The following FGF13 variants were observed in gnomAD, a reference collection of about 807,000 sequenced individuals.
The protein encoded by FGF13 is fibroblast growth factor 13.
A neutral mutation model predicts 19.5 loss-of-function variants in FGF13; 2 were observed. The observed-to-expected ratio is 0.10, with a 90% CI of 0.04 to 0.32. FGF13 has a LOEUF of 0.32. FGF13 is among the 10% of genes least tolerant of loss of function. The pLI is 1.00. For missense variants in FGF13, 113 were observed against 192.7 expected (o/e 0.59, Z 2.45); for synonymous variants, 72 against 76.9 (o/e 0.94, Z 0.33).
intron 1 of FGF13, among the ~76,000 whole-genome samples, chrX:138,725,918 C>T (rs993327747): frequency 9.0e-6 from 1 of 110,918 alleles, no homozygotes; most frequent in Non-Finnish European, 1.9e-5. Context: ...GAAACAGCAT[C>T]GAGTTGTATA....
At chrX:138,817,335 G>C (rs1347431455) in intron 3 of FGF13, among the ~76,000 whole-genome samples, 6 of 111,642 alleles carry the variant, frequency 5.4e-5, no homozygotes, top group African/African-American at 2.0e-4. Context: ...TTCCTGAAGA[G>C]TTTCCTATAG....
intron 1 of FGF13, among the ~76,000 whole-genome samples, chrX:139,028,324 T>A (rs2092208764): frequency 2.7e-5 from 3 of 111,666 alleles, no homozygotes; most frequent in South Asian, 7.5e-4. Flanking sequence ...GATGGGAAAA[T>A]CTGGAGCTTG....
chrX:138,746,422 A>AT (rs2090356703), intron 3 of FGF13, among the ~76,000 whole-genome samples: 1 of 111,458 alleles, frequency 9.0e-6, no homozygotes, highest in African/African-American at 3.3e-5. Flanking sequence ...TCTATAAAAA[A>AT]AAAAATAGTT....
In FGF13 at chrX:138,886,287, A is replaced by G. The variant is rs183433305; in HGVS notation, c.-112-21637T>C. On this transcript the variant is annotated intron_variant, in intron 1 of 2. Transcript: ENST00000421460. The stretch of plus-strand genomic sequence containing the variant: ...ACAGAAATCCAAGTAGCTTTTATTA[A>G]CTAAAGACATCCATTATGTACTATT... 1.4e-4 allele frequency among the ~76,000 whole-genome samples: 16 copies of G among 112,485 alleles called. No individual in the cohort carries two copies. In the East Asian group the frequency reaches 4.5e-3, roughly 31 times the overall value.
intron 1 of FGF13, among the ~76,000 whole-genome samples, chrX:139,175,411 T>C (rs2084172621): frequency 8.9e-6 from 1 of 112,138 alleles, no homozygotes; most frequent in African/African-American, 3.2e-5. Context: ...CTTGCCTGAT[T>C]GCCCTGGCCA....
intron 3 of FGF13, among the ~76,000 whole-genome samples, chrX:138,662,312 G>C (rs1316545109): frequency 1.8e-5 from 2 of 111,539 alleles, no homozygotes; most frequent in Admixed American, 1.9e-4. Context: ...GTAATGACAA[G>C]TACAATAAAA....
At chrX:139,190,916 G>A (rs1034442560) in intron 1 of FGF13, among the ~76,000 whole-genome samples, 11 of 111,860 alleles carry the variant, frequency 9.8e-5, no homozygotes, top group African/African-American at 3.6e-4. Context: ...TAATCAAGTA[G>A]TCCTTCATGC....
At chrX:138,949,547 G>A (rs1032746614) in intron 1 of FGF13, among the ~76,000 whole-genome samples, 3 of 111,639 alleles carry the variant, frequency 2.7e-5, no homozygotes, top group African/African-American at 9.8e-5. Context: ...ATGTTCTCAT[G>A]TTAACTAATT....
At chrX:138,841,062 T>G (rs911391146) in intron 3 of FGF13, among the ~76,000 whole-genome samples, 2 of 110,942 alleles carry the variant, frequency 1.8e-5, no homozygotes, top group African/African-American at 3.3e-5. Context: ...GGAAAGAGAA[T>G]ATAGTTTTGT....
At chrX:138,759,451 C>G (rs901370353) in intron 3 of FGF13, among the ~76,000 whole-genome samples, 4 of 112,461 alleles carry the variant, frequency 3.6e-5, no homozygotes, top group Non-Finnish European at 7.5e-5. Flanking sequence ...TTTCTCTGAA[C>G]AAGCAAACAA....
At chrX:139,018,050 G>A (rs748911543) in intron 1 of FGF13, among the ~76,000 whole-genome samples, 1 of 111,879 alleles carries the variant, frequency 8.9e-6, no homozygotes, top group Non-Finnish European at 1.9e-5. Context: ...TAAAATCAAA[G>A]TGCAAGTTGT....
chrX:138,790,699 C>A (rs996436466), intron 3 of FGF13, among the ~76,000 whole-genome samples: 4 of 112,289 alleles, frequency 3.6e-5, no homozygotes, highest in Non-Finnish European at 7.5e-5. Flanking sequence ...TATTCATCTT[C>A]TCAAATGCAG....
chrX:138,968,619 C>T (rs1481108353), intron 1 of FGF13, among the ~76,000 whole-genome samples: 1 of 111,789 alleles, frequency 8.9e-6, no homozygotes, highest in African/African-American at 3.3e-5. Context: ...GAGAATGCCA[C>T]GAGGGAGGGT....
chrX:138,915,713 A>G (rs1403524095), intron 1 of FGF13, among the ~76,000 whole-genome samples: 1 of 111,219 alleles, frequency 9.0e-6, no homozygotes, highest in Non-Finnish European at 1.9e-5. Context: ...CAATTTTTAT[A>G]CCCCCTCTTC....
chrX:138,849,792 A>G (rs2091210239), intron 3 of FGF13, among the ~76,000 whole-genome samples: 1 of 112,114 alleles, frequency 8.9e-6, no homozygotes, highest in South Asian at 3.7e-4. Context: ...TGAAAGGGGA[A>G]GCACCCATAT....
At chrX:139,033,025 T>TA (rs2092234026) in intron 1 of FGF13, among the ~76,000 whole-genome samples, 1 of 32,244 alleles carries the variant, frequency 3.1e-5, no homozygotes, top group Non-Finnish European at 5.0e-5. Flanking sequence ...TATCTGATTA[T>TA]CCAAAAAAAA....
At chrX:138,797,521 G>C (rs1228416543) in intron 3 of FGF13, among the ~76,000 whole-genome samples, 1 of 111,367 alleles carries the variant, frequency 9.0e-6, no homozygotes, top group Non-Finnish European at 1.9e-5. Context: ...TTTCTGCTTA[G>C]GATTGTCTTG....
chrX:138,958,696 A>G (rs1198839352), intron 1 of FGF13, among the ~76,000 whole-genome samples: 2 of 111,647 alleles, frequency 1.8e-5, no homozygotes, highest in African/African-American at 6.5e-5. Flanking sequence ...CCTCAATTTC[A>G]GAGCCTGTTA....
At chrX:139,197,498 C>G (rs2084381155) in intron 1 of FGF13, among the ~76,000 whole-genome samples, 1 of 112,058 alleles carries the variant, frequency 8.9e-6, no homozygotes, top group Non-Finnish European at 1.9e-5. Flanking sequence ...GGTCATTCAA[C>G]AACTACTCCT....
Sources: gnomAD v4.1 joint callset for allele counts (sites outside exome capture counted in the v4.1 genomes callset) on GRCh38, gnomAD v4.1.1 for gene constraint, MANE v1.5 for transcripts, NCBI Gene and HGNC (gene_info 2026-07-23, HGNC 2026-07-21) for gene names.